ZC3H12D: variants seen among roughly 807,000 people sequenced by gnomAD.
ZC3H12D encodes the protein zinc finger CCCH-type containing 12D, also known as probable ribonuclease ZC3H12D.
ZC3H12D carries 11 observed loss-of-function variants against 24.2 expected under a neutral mutation model. That is an observed-to-expected ratio of 0.46 (90% CI 0.29 to 0.75). The LOEUF is 0.75. Ranked by LOEUF, ZC3H12D falls within the 30% of genes least tolerant of loss-of-function variation. ZC3H12D has a pLI of 0.11. For missense variants in ZC3H12D, 740 were observed against 767.7 expected, an observed-to-expected ratio of 0.96 and a Z score of 0.43; for synonymous variants, 333 against 341.8, an observed-to-expected ratio of 0.97 and a Z score of 0.28.
In ZC3H12D at chr6:149,456,940, G is replaced by A. The variant is rs1210288408; in HGVS notation, c.446-40C>T. The A allele has an allele frequency of 1.9e-6, 3 of 1,571,836 alleles. No individual in the cohort carries two copies. The highest frequency in any genetic ancestry group is 2.6e-6 in the Non-Finnish European group (3 of 1,159,488). On this transcript the variant is annotated intron_variant, in intron 3 of 5. Coordinates refer to ENST00000409806, the MANE Select transcript of ZC3H12D (RefSeq NM_207360.3). The surrounding 1 kb of genome is among the most constrained non-coding windows in gnomAD (Gnocchi z 4.3). ...ACGGAGACGCGGGTGAGGGCCCAAG[G>A]GCACCGCCCCTGAGAACCACCCCCA...
At chr6:149,482,236 G>T (rs1240439657) in intron 1 of ZC3H12D, among the ~76,000 whole-genome samples, 2 of 152,256 alleles carry the variant, frequency 1.3e-5, no homozygotes, top group African/African-American at 4.8e-5. Flanking sequence ...AAATACGGAA[G>T]AAGCGGGGAC....
chr6:149,456,609 G>C lies in ZC3H12D; in HGVS notation c.680+57C>G. 1 of 1,384,792 alleles carries C rather than the reference G, an allele frequency of 7.2e-7. No individual in the cohort carries two copies. The highest frequency in any genetic ancestry group is 1.0e-6 in the Non-Finnish European group (1 of 1,001,502). 85.8% of individuals were successfully genotyped at this position (1,384,792 alleles called of 1,614,324 possible). A position where few individuals can be genotyped will look rare whatever the true frequency, so the allele number is the denominator to read the frequency against. On this transcript the variant is annotated intron_variant, in intron 4 of 5. Coordinates refer to ENST00000409806, the MANE Select transcript of ZC3H12D (RefSeq NM_207360.3). The surrounding 1 kb of genome is among the most constrained non-coding windows in gnomAD (Gnocchi z 4.3). ...TGGTAGCAGGCGTGGCCACTGCCTCGACCCCGGCCCCCCGCCCCGCCGCCC... is the reference window on the plus strand; with the variant it reads ...TGGTAGCAGGCGTGGCCACTGCCTCCACCCCGGCCCCCCGCCCCGCCGCCC...
At chr6:149,469,658 G>A (rs1024946670) in intron 2 of ZC3H12D, among the ~76,000 whole-genome samples, 12 of 152,096 alleles carry the variant, frequency 7.9e-5, no homozygotes, top group Non-Finnish European at 1.8e-4. Context: ...TCTTTCTCAC[G>A]GAAACACACA....
In ZC3H12D at chr6:149,450,531, G is replaced by T. The variant is rs924046364; in HGVS notation, c.*152C>A. ...AGTGCCACCAGGCCCCCACAACCCC[G>T]CTCAGGAGGAGGAAGCAGGCTTCCC... On this transcript the variant is annotated 3_prime_UTR_variant, in exon 6 of 6. Transcript: ENST00000409806. 9 of 845,500 alleles carry T rather than the reference G, an allele frequency of 1.1e-5. No homozygotes were observed. The highest frequency in any genetic ancestry group is 2.0e-5 in the South Asian group (1 of 49,682). 52.4% of individuals were successfully genotyped at this position (845,500 alleles called of 1,614,324 possible).
intron 1 of ZC3H12D, among the ~76,000 whole-genome samples, chr6:149,475,929 T>A (rs565303956): frequency 9.9e-5 from 15 of 152,194 alleles, no homozygotes; most frequent in East Asian, 3.9e-4. Context: ...CAAAAAAAAT[T>A]TTTTTAAATA....
At chr6:149,459,187 T>C (rs1776034548) in intron 3 of ZC3H12D, among the ~76,000 whole-genome samples, 1 of 152,228 alleles carries the variant, frequency 6.6e-6, no homozygotes, top group South Asian at 2.1e-4. Context: ...ATTCCTTCCC[T>C]ATCCCAAAGT....
At chr6:149,470,079 A>G (rs1212274059) in intron 2 of ZC3H12D, among the ~76,000 whole-genome samples, 1 of 152,018 alleles carries the variant, frequency 6.6e-6, no homozygotes, top group African/African-American at 2.4e-5. Flanking sequence ...AAATGTATTG[A>G]CCAGGCGCGG....
chr6:149,456,637 C>CCCCGGGTG lies in ZC3H12D; in HGVS notation c.680+28_680+29insCACCCGGG. ...CCCGGCCCCCCGCCCCGCCGCCCCC[C>CCCCGGGTG]AGGGTGTCAGGACCCCAGCCGGACC... is the stretch of plus-strand genomic sequence containing the variant. On this transcript the variant is annotated intron_variant, in intron 4 of 5. Coordinates refer to ENST00000409806, the MANE Select transcript of ZC3H12D (RefSeq NM_207360.3). This position sits in a 1 kb window ranked among gnomAD's most constrained non-coding sequence, Gnocchi z 4.3. The CCCCGGGTG allele has an allele frequency of 1.9e-6, 3 of 1,554,906 alleles. No individual in the cohort carries two copies. The highest frequency in any genetic ancestry group is 2.7e-6 in the Non-Finnish European group (3 of 1,130,046).
At chr6:149,466,004 AAGGCTGCCTTGG>A (rs1776156070) in intron 2 of ZC3H12D, among the ~76,000 whole-genome samples, 1 of 152,186 alleles carries the variant, frequency 6.6e-6, no homozygotes, top group East Asian at 1.9e-4. Flanking sequence ...AGGTTTCTGC[AAGGCTGCCTTGG>A]AGGAACATGA....
At chr6:149,466,964 T>A (rs564392307) in intron 2 of ZC3H12D, among the ~76,000 whole-genome samples, 29 of 152,266 alleles carry the variant, frequency 1.9e-4, no homozygotes, top group East Asian at 1.2e-3. Context: ...TGCTCTTTTT[T>A]CAGGGTCTCC....
intron 1 of ZC3H12D, among the ~76,000 whole-genome samples, chr6:149,482,036 G>A (rs1776434702): frequency 3.3e-5 from 5 of 152,368 alleles, no homozygotes; most frequent in Admixed American, 2.6e-4. Context: ...AGCCGCCCAG[G>A]GCCGAAGTAA....
intron 2 of ZC3H12D, among the ~76,000 whole-genome samples, chr6:149,462,322 T>G (rs1343364409): frequency 6.6e-6 from 1 of 152,048 alleles, no homozygotes; most frequent in East Asian, 1.9e-4. Context: ...TTCAGTGAGC[T>G]GCAATCCCAC....
At chr6:149,480,597 G>A (rs553823874) in intron 1 of ZC3H12D, among the ~76,000 whole-genome samples, 45 of 152,310 alleles carry the variant, frequency 3.0e-4, no homozygotes, top group African/African-American at 9.9e-4. Flanking sequence ...TTAGCCGGGC[G>A]TGGTGGCGCA....
chr6:149,457,851 C>T (rs960519589), intron 3 of ZC3H12D, among the ~76,000 whole-genome samples: 1 of 152,060 alleles, frequency 6.6e-6, no homozygotes, highest in Non-Finnish European at 1.5e-5. Flanking sequence ...CCATATGACA[C>T]TGTTGGCTGA....
chr6:149,453,315 A>G (rs372994), intron 4 of ZC3H12D, among the ~76,000 whole-genome samples: 52,686 of 149,562 alleles, frequency 0.35, 9,750 homozygotes, highest in African/African-American at 0.45. Context: ...AAAAAAAATG[A>G]CAGCCTCCGA....
At chr6:149,482,867 G>A (rs1050681900) in intron 1 of ZC3H12D, among the ~76,000 whole-genome samples, 36 of 152,250 alleles carry the variant, frequency 2.4e-4, no homozygotes, top group African/African-American at 7.7e-4. Context: ...GGCCCCTACT[G>A]TAAATAAGGG....
chr6:149,453,736 T>C lies in ZC3H12D; in HGVS notation c.681-1014A>G, dbSNP rs545557590. On this transcript the variant is annotated intron_variant, in intron 4 of 5. Transcript: ENST00000409806. ...TCCTCAACAAAAGGTTAGAAACCTC[T>C]ATGAGGTTAACAGCTCCAGAAAAGC... 1.8e-4 allele frequency among the ~76,000 whole-genome samples: 28 copies of C among 152,300 alleles called. No individual in the cohort carries two copies. In the South Asian group the frequency reaches 4.1e-3, roughly 23 times the overall value.
chr6:149,462,855 T>C (rs1388996794), intron 2 of ZC3H12D, among the ~76,000 whole-genome samples: 1 of 152,234 alleles, frequency 6.6e-6, no homozygotes, highest in Admixed American at 6.5e-5. Flanking sequence ...CCAGGGGCTC[T>C]TGGGCCTTTG....
Position 149,482,588 on chromosome 6 carries a change from C to T in ZC3H12D, c.-71+2225G>A, listed in dbSNP as rs138693732. Among the ~76,000 whole-genome samples, 355 of 152,232 alleles carry T rather than the reference C, an allele frequency of 2.3e-3. 2 individuals are homozygous for T. The highest frequency in any genetic ancestry group is 8.3e-3 in the African/African-American group (344 of 41,540). ...GCAGGGAGGAAGGGAGGGGGCCCCA[C>T]GGCTGGAACAGATCAGATCTGTCCA... is the stretch of plus-strand genomic sequence containing the variant. On this transcript the variant is annotated intron_variant, in intron 1 of 5. Coordinates refer to ENST00000409806, the MANE Select transcript of ZC3H12D (RefSeq NM_207360.3).
Sources: gnomAD v4.1 joint callset for allele counts (sites outside exome capture counted in the v4.1 genomes callset) on GRCh38, gnomAD v4.1.1 for gene constraint, Gnocchi (gnomAD v3.1) non-coding constraint, MANE v1.5 for transcripts, NCBI Gene and HGNC (gene_info 2026-07-23, HGNC 2026-07-21) for gene names.